The following LIN28B variants were observed in gnomAD, a reference collection of about 807,000 sequenced individuals.
The protein encoded by LIN28B is lin-28 RNA binding posttranscriptional regulator B.
A neutral mutation model predicts 21.9 loss-of-function variants in LIN28B; 5 were observed. That is an observed-to-expected ratio of 0.23 (90% CI 0.12 to 0.48). The LOEUF is 0.48. Among genes scored for constraint, LIN28B ranks in the 20% least tolerant of loss-of-function variants. The probability of loss-of-function intolerance (pLI) is 0.98; values close to 1 mark genes in which losing one functional copy is unlikely to be tolerated. For synonymous variants in LIN28B, 109 were observed against 111.3 expected (o/e 0.98, Z 0.13); for missense variants, 245 against 310.5 (o/e 0.79, Z 1.58).
At chr6:105,028,085 A>G (rs936909261) in intron 3 of LIN28B, among the ~76,000 whole-genome samples, 2 of 152,208 alleles carry the variant, frequency 1.3e-5, no homozygotes, top group Admixed American at 6.6e-5. Flanking sequence ...CAAGTAAAGC[A>G]AAGTAAAATA....
At chr6:105,008,358 T>TGCCA (rs1407316190) in intron 2 of LIN28B, among the ~76,000 whole-genome samples, 1 of 152,126 alleles carries the variant, frequency 6.6e-6, no homozygotes, top group African/African-American at 2.4e-5. Flanking sequence ...TAAAAGAGCA[T>TGCCA]GCCAGGCTGG....
chr6:105,020,790 T>C (rs1030315969), intron 2 of LIN28B, among the ~76,000 whole-genome samples: 1 of 149,838 alleles, frequency 6.7e-6, no homozygotes, highest in African/African-American at 2.5e-5. Flanking sequence ...TCTCGCTCTG[T>C]TGCCCAGGCT....
intron 3 of LIN28B, among the ~76,000 whole-genome samples, chr6:105,069,688 C>CAA (rs745592711): frequency 7.9e-6 from 1 of 125,838 alleles, no homozygotes; most frequent in African/African-American, 2.9e-5. Context: ...GACCCTGTCT[C>CAA]AAAAAAAAAA....
intron 3 of LIN28B, among the ~76,000 whole-genome samples, chr6:105,045,284 GTT>G (rs57205680): frequency 8.6e-6 from 1 of 116,844 alleles, no homozygotes; most frequent in African/African-American, 3.4e-5. Flanking sequence ...ATGTCATTCT[GTT>G]TTTTTTTTTT....
chr6:105,049,814 G>A (rs1771856381), intron 3 of LIN28B, among the ~76,000 whole-genome samples: 1 of 152,132 alleles, frequency 6.6e-6, no homozygotes, highest in Admixed American at 6.5e-5. Flanking sequence ...ATCAGAGACA[G>A]GATTGCAACC....
intron 2 of LIN28B, among the ~76,000 whole-genome samples, chr6:104,985,690 T>C (rs73771043): frequency 0.022 from 3,413 of 152,294 alleles, 149 homozygotes; most frequent in African/African-American, 0.079. Context: ...GTAGTGTTCT[T>C]ATGTCGTGTT....
chr6:104,973,965 CAAAG>C (rs1164156524), intron 2 of LIN28B, among the ~76,000 whole-genome samples: 3 of 152,040 alleles, frequency 2.0e-5, no homozygotes, highest in Non-Finnish European at 4.4e-5. Flanking sequence ...CCTGAATTTC[CAAAG>C]AAAGTATATA....
At chr6:105,000,298 T>C (rs1770696310) in intron 2 of LIN28B, among the ~76,000 whole-genome samples, 1 of 152,200 alleles carries the variant, frequency 6.6e-6, no homozygotes, top group South Asian at 2.1e-4. Context: ...GCAAGTTTTC[T>C]ATACACACAG....
chr6:104,941,170 A>T (rs1778083537), intron 2 of LIN28B: 1 of 152,162 alleles, frequency 6.6e-6, no homozygotes, highest in East Asian at 1.9e-4. Flanking sequence ...AGCGCCAGGG[A>T]GGGGCGAGGA....
At chr6:105,031,678 C>G (rs1309474328) in intron 3 of LIN28B, among the ~76,000 whole-genome samples, 5 of 151,936 alleles carry the variant, frequency 3.3e-5, no homozygotes, top group African/African-American at 1.2e-4. Flanking sequence ...GGACCACAGG[C>G]ACCCACCACC....
At chr6:104,979,410 G>A (rs1045418124) in intron 2 of LIN28B, among the ~76,000 whole-genome samples, 22 of 151,942 alleles carry the variant, frequency 1.4e-4, no homozygotes, top group African/African-American at 4.8e-4. Context: ...GTTTCACCAT[G>A]TTGGCCAGGC....
intron 2 of LIN28B, among the ~76,000 whole-genome samples, chr6:104,979,704 TAATC>T (rs1236174705): frequency 9.2e-5 from 14 of 152,268 alleles, no homozygotes; most frequent in Non-Finnish European, 4.4e-5. Flanking sequence ...AGTTTAAAAT[TAATC>T]AAATTATACA....
intron 3 of LIN28B, among the ~76,000 whole-genome samples, chr6:105,044,297 C>G (rs1376669342): frequency 6.6e-6 from 1 of 152,130 alleles, no homozygotes; most frequent in Non-Finnish European, 1.5e-5. Context: ...ACAGCTTGTC[C>G]TACTCTTTCT....
intron 3 of LIN28B, among the ~76,000 whole-genome samples, chr6:105,048,478 C>G (rs1771818544): frequency 6.6e-6 from 1 of 152,066 alleles, no homozygotes; most frequent in Non-Finnish European, 1.5e-5. Context: ...GTCTAAAATT[C>G]TCTTTTTGTT....
intron 3 of LIN28B, chr6:105,045,651 T>C (rs1771744103): frequency 6.6e-6 from 1 of 152,208 alleles, no homozygotes; most frequent in Admixed American, 6.6e-5. Context: ...TTAGTATATG[T>C]GCTGGCAAAG....
chr6:104,986,276 T>C (rs1770339853), intron 2 of LIN28B, among the ~76,000 whole-genome samples: 1 of 152,172 alleles, frequency 6.6e-6, no homozygotes, highest in South Asian at 2.1e-4. Context: ...CAATTAAACA[T>C]CTTTTCTGTA....
chr6:105,033,087 A>C (rs549258719), intron 3 of LIN28B, among the ~76,000 whole-genome samples: 1 of 152,260 alleles, frequency 6.6e-6, no homozygotes, highest in South Asian at 2.1e-4. Context: ...GTTTACATCA[A>C]TGATCCATTT....
chr6:105,031,857 A>G (rs980414103), intron 3 of LIN28B, among the ~76,000 whole-genome samples: 3 of 152,090 alleles, frequency 2.0e-5, no homozygotes, highest in African/African-American at 4.8e-5. Flanking sequence ...ACACATATAC[A>G]TTCCTGTAGT....
At position 105,078,621 on chromosome 6, in the gene LIN28B, C is replaced by A. The variant is rs141067774; in HGVS notation, c.591C>A (p.Gly197=). Residue 197 remains glycine (G), a synonymous_variant, in exon 4 of 4, where the codon GGC becomes GGA. Coordinates refer to ENST00000345080, the MANE Select transcript of LIN28B (RefSeq NM_001004317.4). The part of the protein sequence containing the change: ...CTSTLPREVG[G]GHGCTSPPFP... The stretch of plus-strand genomic sequence containing the variant: ...CAACTCTCCCTCGAGAAGTGGGAGG[C>A]GGGCATGGCTGTACATCACCACCGT... The A allele has an allele frequency of 6.2e-7, 1 of 1,614,054 alleles. No individual in the cohort carries two copies. Among genetic ancestry groups the A allele is most frequent in the Non-Finnish European group, 8.5e-7 (1 of 1,180,012 alleles).
Sources: gnomAD v4.1 joint callset for allele counts (sites outside exome capture counted in the v4.1 genomes callset) on GRCh38, gnomAD v4.1.1 for gene constraint, MANE v1.5 for transcripts, NCBI Gene and HGNC (gene_info 2026-07-23, HGNC 2026-07-21) for gene names.